Variants in ITPRID1 observed in about 807,000 individuals in gnomAD.
ITPRID1 encodes ITPR interacting domain containing 1.
Under a neutral mutation model 95.4 loss-of-function variants are expected in ITPRID1, and 96 were observed. The ratio of observed to expected loss-of-function variants is 1.01; its 90% CI spans 0.85 to 1.19. ITPRID1 has a LOEUF of 1.19. Among genes scored for constraint, ITPRID1 ranks in the 50% most tolerant of loss-of-function variants. The pLI, the probability that ITPRID1 is intolerant of heterozygous loss-of-function variation, is 0.00. For synonymous variants in ITPRID1, 510 were observed against 453.6 expected (o/e 1.12, Z -1.58); for missense variants, 1,339 against 1,252.9 (o/e 1.07, Z -1.04).
At chr7:31,620,171 T>A (rs1189405578) in intron 10 of ITPRID1, among the ~76,000 whole-genome samples, 1 of 152,152 alleles carries the variant, frequency 6.6e-6, no homozygotes, top group Non-Finnish European at 1.5e-5. Flanking sequence ...GCTCCACCTC[T>A]GGGGGCAGGG....
intron 1 of ITPRID1, among the ~76,000 whole-genome samples, chr7:31,527,013 C>A (rs1399569157): frequency 1.3e-5 from 2 of 152,172 alleles, no homozygotes; most frequent in Non-Finnish European, 2.9e-5. Context: ...TTTCCAGTTA[C>A]ATCACTTGAC....
At chr7:31,556,306 G>A (rs779489292) in intron 5 of ITPRID1, among the ~76,000 whole-genome samples, 2 of 152,094 alleles carry the variant, frequency 1.3e-5, no homozygotes, top group Non-Finnish European at 2.9e-5. Context: ...AATAAAAATG[G>A]AATAGCTTCT....
chr7:31,554,200 T>C (rs1784374795), intron 3 of ITPRID1, among the ~76,000 whole-genome samples: 1 of 152,214 alleles, frequency 6.6e-6, no homozygotes. Context: ...CTAACATCTC[T>C]CGTTCTTCAG....
chr7:31,568,601 G>A (rs186765350), intron 5 of ITPRID1, among the ~76,000 whole-genome samples: 35 of 152,232 alleles, frequency 2.3e-4, no homozygotes, highest in Admixed American at 2.0e-3. Context: ...TCTTCTGCAC[G>A]TGTCAGCCAC....
At chr7:31,628,459 T>G (rs1351335377) in intron 10 of ITPRID1, among the ~76,000 whole-genome samples, 1 of 147,542 alleles carries the variant, frequency 6.8e-6, no homozygotes, top group Non-Finnish European at 1.5e-5. Flanking sequence ...TTTTTTTTTT[T>G]TCTTTTTTTT....
intron 1 of ITPRID1, among the ~76,000 whole-genome samples, chr7:31,519,620 C>CTCTCTCTCTCTCTCCATATA: frequency 7.9e-5 from 2 of 25,254 alleles, no homozygotes; most frequent in Non-Finnish European, 1.5e-4. Context: ...CTCTCTCTCT[C>CTCTCTCTCTCTCTCCATATA]TATATATATA....
chr7:31,582,077 T>C (rs1412379657), intron 9 of ITPRID1, among the ~76,000 whole-genome samples: 1 of 152,246 alleles, frequency 6.6e-6, no homozygotes, highest in African/African-American at 2.4e-5. Flanking sequence ...CAGCTTTCTG[T>C]ACTCAAATAT....
intron 5 of ITPRID1, among the ~76,000 whole-genome samples, chr7:31,563,995 T>G (rs1173567926): frequency 6.6e-6 from 1 of 152,168 alleles, no homozygotes; most frequent in Non-Finnish European, 1.5e-5. Context: ...TACAGAAAGC[T>G]GTAGAATGCT....
At chr7:31,547,415 CCTT>C (rs1784134959) in intron 1 of ITPRID1, among the ~76,000 whole-genome samples, 1 of 151,784 alleles carries the variant, frequency 6.6e-6, no homozygotes, top group Non-Finnish European at 1.5e-5. Flanking sequence ...GGAAACACGT[CCTT>C]CTTCCCATGG....
In ITPRID1 at chr7:31,655,771, C is replaced by A; in HGVS notation, c.*2942C>A. The A allele has an allele frequency of 1.0e-6, 1 of 985,662 alleles. No homozygotes were observed. The allele number at this position is 985,662 out of a possible 1,614,324, so 61.1% of individuals were successfully genotyped here. ...CCTTGCTAAACTCCTAAGCTTTTTA[C>A]TCTTTACCCAGGTTGGGCTTTTGAC... On this transcript the variant is annotated 3_prime_UTR_variant, in exon 15 of 15. Transcript: ENST00000615280.
intron 1 of ITPRID1, among the ~76,000 whole-genome samples, chr7:31,548,787 G>C (rs1333021155): frequency 6.6e-6 from 1 of 152,064 alleles, no homozygotes; most frequent in African/African-American, 2.4e-5. Flanking sequence ...GTGGTACTGA[G>C]GTTTGTGGTA....
At chr7:31,552,119 C>T (rs1259622833) in intron 2 of ITPRID1, among the ~76,000 whole-genome samples, 1 of 143,202 alleles carries the variant, frequency 7.0e-6, no homozygotes, top group African/African-American at 2.5e-5. Context: ...CTGCTGTGTC[C>T]TGCTCTTACT....
chr7:31,527,388 C>G (rs1443323097), intron 1 of ITPRID1, among the ~76,000 whole-genome samples: 1 of 152,192 alleles, frequency 6.6e-6, no homozygotes, highest in Non-Finnish European at 1.5e-5. Flanking sequence ...ACTGTCAAAT[C>G]TCTTAGCTTT....
chr7:31,651,279 T>A lies in ITPRID1; in HGVS notation c.2711+10T>A, dbSNP rs750853957. 5 of 1,611,192 alleles carry A rather than the reference T, an allele frequency of 3.1e-6. No individual in the cohort carries two copies. The highest frequency in any genetic ancestry group is 4.2e-6 in the Non-Finnish European group (5 of 1,178,552). On this transcript the variant is annotated intron_variant, in intron 13 of 14. Transcript: ENST00000615280. The stretch of plus-strand genomic sequence containing the variant: ...TGTCAGAGGAGGAAAGGTAATTACC[T>A]AAGGGAGCCATAAAAGTAAGTACCA...
intron 1 of ITPRID1, among the ~76,000 whole-genome samples, chr7:31,541,055 C>G (rs1783917938): frequency 6.6e-6 from 1 of 152,156 alleles, no homozygotes; most frequent in Non-Finnish European, 1.5e-5. Context: ...CTTAAGAATA[C>G]TCACAGATAG....
chr7:31,584,385 AT>A (rs1562587790), intron 10 of ITPRID1, among the ~76,000 whole-genome samples: 2 of 152,214 alleles, frequency 1.3e-5, no homozygotes. Flanking sequence ...CATAACCTGC[AT>A]TGAGGCTTAT....
At chr7:31,583,368 G>A (rs1197366002) in intron 10 of ITPRID1, among the ~76,000 whole-genome samples, 177 bp downstream of exon 10, 1 of 152,202 alleles carries the variant, frequency 6.6e-6, no homozygotes. Context: ...GCTCATGCCT[G>A]TAATCTCAGC....
chr7:31,646,708 C>A lies in ITPRID1; in HGVS notation c.2583+2755C>A, dbSNP rs112604341. ...ACACTTTGTCATATCAGCACTCCTG[C>A]AGAAAACAGGGAGGTTTTGTGGCCC... On this transcript the variant is annotated intron_variant, in intron 12 of 14. Transcript: ENST00000615280. Among the ~76,000 whole-genome samples the A allele has an allele frequency of 5.5e-3, 838 of 152,220 alleles. 2 individuals carry two copies. Among genetic ancestry groups the A allele is most frequent in the Middle Eastern group, 0.01 (3 of 294 alleles).
chr7:31,642,106 G>C, intron 10 of ITPRID1, 70 bp from the exon 11 acceptor site: 1 of 1,063,860 alleles, frequency 9.4e-7, no homozygotes, highest in South Asian at 1.5e-5. Context: ...GGCACCTAGA[G>C]GGGTTGATCC....
Sources: gnomAD v4.1 joint callset for allele counts (sites outside exome capture counted in the v4.1 genomes callset) on GRCh38, gnomAD v4.1.1 for gene constraint, MANE v1.5 for transcripts, NCBI Gene and HGNC (gene_info 2026-07-23, HGNC 2026-07-21) for gene names.